CELF2: variants seen among roughly 807,000 people sequenced by gnomAD.
The protein encoded by CELF2 is CUGBP Elav-like family member 2.
In CELF2, 8 loss-of-function variants were observed where a neutral mutation model predicts 62.6. That is an observed-to-expected ratio of 0.13 (90% confidence interval 0.07 to 0.23). The LOEUF is 0.23. CELF2 is among the 10% of genes least tolerant of loss of function. The pLI is 1.00. For missense variants in CELF2, 333 were observed against 671.0 expected (o/e 0.50, Z 5.56); for synonymous variants, 258 against 250.0 (o/e 1.03, Z -0.30).
intron 3 of CELF2, among the ~76,000 whole-genome samples, chr10:11,248,500 T>C (rs931685429): frequency 4.6e-5 from 7 of 152,224 alleles, no homozygotes; most frequent in African/African-American, 7.2e-5. Context: ...TGTATTTGTA[T>C]TAGCATTTAA....
chr10:11,167,952 A>G (rs2133464107), intron 2 of CELF2, among the ~76,000 whole-genome samples: 1 of 152,278 alleles, frequency 6.6e-6, no homozygotes, highest in African/African-American at 2.4e-5. Context: ...AGATTCGGAC[A>G]TGGTCCATCT....
Position 11,244,043 on chromosome 10 carries a change from A to G in CELF2, c.355-5110A>G, listed in dbSNP as rs377403397. ...CTGCTGTCTACTGGGACCTGCAGGC[A>G]TGTGCAGGGCACAGCATGAGATCCT... On this transcript the variant is annotated intron_variant, in intron 3 of 12. Coordinates refer to ENST00000633077, the MANE Select transcript of CELF2 (RefSeq NM_001326342.2). This position sits in a 1 kb window ranked among gnomAD's most constrained non-coding sequence, Gnocchi z 4.2. Among the ~76,000 whole-genome samples, 2 of 152,186 alleles carry G rather than the reference A, an allele frequency of 1.3e-5. No individual in the cohort carries two copies. Among genetic ancestry groups the G allele is most frequent in the African/African-American group, 4.8e-5 (2 of 41,448 alleles).
chr10:11,086,230 G>C (rs112993953), intron 1 of CELF2, among the ~76,000 whole-genome samples: 6 of 152,160 alleles, frequency 3.9e-5, no homozygotes, highest in African/African-American at 1.4e-4. Flanking sequence ...CTCCACTGAG[G>C]AGAGAGCGGA....
intron 1 of CELF2, among the ~76,000 whole-genome samples, chr10:10,870,979 C>T (rs1039460328): frequency 1.5e-4 from 23 of 152,188 alleles, no homozygotes; most frequent in South Asian, 6.2e-4. Flanking sequence ...CTCCCACCCC[C>T]ACCCCGCAAC....
intron 1 of CELF2, among the ~76,000 whole-genome samples, chr10:10,810,129 C>G (rs560659272): frequency 2.7e-4 from 41 of 152,330 alleles, no homozygotes; most frequent in Non-Finnish European, 4.7e-4. Flanking sequence ...AGGTACCTTA[C>G]ATACATGCAT....
chr10:10,843,749 G>A (rs980241623), intron 1 of CELF2, among the ~76,000 whole-genome samples: 3 of 151,998 alleles, frequency 2.0e-5, no homozygotes, highest in African/African-American at 7.2e-5. Flanking sequence ...ACTGATAGAA[G>A]GGTATTAAAG....
the CELF2 span, among the ~76,000 whole-genome samples, chr10:10,469,826 G>A: frequency 6.6e-6 from 1 of 151,760 alleles, no homozygotes; most frequent in Non-Finnish European, 1.5e-5. Flanking sequence ...TTTATTAGTA[G>A]ATACAGGGTT....
At chr10:10,913,404 T>C (rs1228299253) in intron 1 of CELF2, among the ~76,000 whole-genome samples, 1 of 142,492 alleles carries the variant, frequency 7.0e-6, no homozygotes, top group Non-Finnish European at 1.5e-5. Flanking sequence ...TTTTTTTTTT[T>C]TTTGAGATGG....
intron 3 of CELF2, among the ~76,000 whole-genome samples, chr10:11,235,719 T>C (rs909523789): frequency 2.6e-5 from 4 of 152,050 alleles, no homozygotes; most frequent in Non-Finnish European, 5.9e-5. Flanking sequence ...AGATGTTTAA[T>C]GGATTTGCAT....
rs2096006014 is a variant in CELF2, at chr10:11,331,162, C to T, written c.*2109C>T. 1 of 151,984 alleles carries T rather than the reference C, an allele frequency of 6.6e-6. No individual in the cohort carries two copies. The allele number at this position is 151,984 out of a possible 1,614,324, so 9.4% of individuals were successfully genotyped here. ...CTATATTTTATACTGTTTCAATGTA[C>T]AGGAGAAAGGTTACTGTAAACTGTG... is the stretch of plus-strand genomic sequence containing the variant. On this transcript the variant is annotated 3_prime_UTR_variant, in exon 13 of 13. Coordinates refer to ENST00000633077, the MANE Select transcript of CELF2 (RefSeq NM_001326342.2).
chr10:11,328,467 C>G lies in CELF2; in HGVS notation c.1439-459C>G, dbSNP rs1347543423. On this transcript the variant is annotated intron_variant, in intron 12 of 12. Coordinates refer to ENST00000633077, the MANE Select transcript of CELF2 (RefSeq NM_001326342.2). The surrounding 1 kb of genome is among the most constrained non-coding windows in gnomAD (Gnocchi z 6.4). The stretch of plus-strand genomic sequence containing the variant: ...TGCTGTTCTCCAGCCCTTCCCTTCC[C>G]GAGCCTGCCTGTTGGCCTCACCTGG... Among the ~76,000 whole-genome samples the G allele has an allele frequency of 6.6e-6, 1 of 152,206 alleles. No homozygotes were observed. The highest frequency in any genetic ancestry group is 1.5e-5 in the Non-Finnish European group (1 of 68,036).
the CELF2 span, among the ~76,000 whole-genome samples, chr10:10,728,475 G>A: frequency 3.8e-5 from 5 of 132,506 alleles, no homozygotes; most frequent in African/African-American, 1.2e-4. Context: ...AAAAAAAAAA[G>A]AGAGAGAAAA....
the CELF2 span, among the ~76,000 whole-genome samples, chr10:10,500,187 T>C: frequency 6.6e-6 from 1 of 152,362 alleles, no homozygotes; most frequent in Admixed American, 6.5e-5. Flanking sequence ...TGGAGAATTA[T>C]TACTTACAGT....
At chr10:11,018,975 GT>G (rs1247353301) in intron 1 of CELF2, 1 of 152,194 alleles carries the variant, frequency 6.6e-6, no homozygotes, top group African/African-American at 2.4e-5. Flanking sequence ...CGTAATCATG[GT>G]TTGTCTGATA....
At chr10:11,144,683 A>T (rs1006690698) in intron 1 of CELF2, among the ~76,000 whole-genome samples, 4 of 151,888 alleles carry the variant, frequency 2.6e-5, no homozygotes, top group African/African-American at 9.7e-5. Flanking sequence ...CACTTGAGCC[A>T]GGAGTTCAAG....
the CELF2 span, among the ~76,000 whole-genome samples, chr10:10,483,311 C>T: frequency 2.0e-5 from 3 of 151,414 alleles, no homozygotes; most frequent in Non-Finnish European, 4.4e-5. Context: ...GATGACCTCT[C>T]CAAATATCTA....
rs1253660252 is a variant in CELF2, at chr10:11,319,905, G to A, written c.1097-1284G>A. The A allele has an allele frequency of 2.1e-6, 1 of 470,500 alleles. No homozygotes were observed. The highest frequency in any genetic ancestry group is 1.5e-5 in the South Asian group (1 of 64,550). 29.1% of individuals were successfully genotyped at this position (470,500 alleles called of 1,614,324 possible). A position where few individuals can be genotyped will look rare whatever the true frequency, so the allele number is the denominator to read the frequency against. On this transcript the variant is annotated intron_variant, in intron 10 of 12. Transcript: ENST00000633077. This position sits in a 1 kb window ranked among gnomAD's most constrained non-coding sequence, Gnocchi z 4.4. ...GCAGTAGCGTTGCTGGGCGTGTGGAGGTCACTCTGCTGCCGGATTCTCTGG... is the reference window on the plus strand; with the variant it reads ...GCAGTAGCGTTGCTGGGCGTGTGGAAGTCACTCTGCTGCCGGATTCTCTGG...
the CELF2 span, among the ~76,000 whole-genome samples, chr10:10,623,187 G>C: frequency 6.7e-6 from 1 of 148,420 alleles, no homozygotes; most frequent in East Asian, 2.0e-4. Context: ...ATGAATGGCA[G>C]TACAGCTGCC....
intron 1 of CELF2, among the ~76,000 whole-genome samples, chr10:11,032,391 G>C (rs2060271955): frequency 6.6e-6 from 1 of 152,008 alleles, no homozygotes; most frequent in Non-Finnish European, 1.5e-5. Flanking sequence ...GCTGAGGTGG[G>C]GGAATCGCTT....
Sources: allele counts gnomAD v4.1 joint callset (sites outside exome capture counted in the v4.1 genomes callset), GRCh38; gene constraint gnomAD v4.1.1; non-coding constraint Gnocchi (gnomAD v3.1); transcripts MANE v1.5; gene names NCBI Gene and HGNC (gene_info 2026-07-23, HGNC 2026-07-21).